PPP2R2A: variants seen among roughly 807,000 people sequenced by gnomAD.
The protein encoded by PPP2R2A is protein phosphatase 2 regulatory subunit Balpha, also known as serine/threonine-protein phosphatase 2A 55 kDa regulatory subunit B alpha isoform.
Under a neutral mutation model 53.2 loss-of-function variants are expected in PPP2R2A, and 9 were observed. The observed-to-expected ratio is 0.17, with a 90% confidence interval of 0.10 to 0.30. PPP2R2A has a LOEUF of 0.30. PPP2R2A is among the 10% of genes least tolerant of loss of function. The probability of loss-of-function intolerance (pLI) is 1.00; values close to 1 mark genes in which losing one functional copy is unlikely to be tolerated. For missense variants in PPP2R2A, 235 were observed against 534.6 expected, an observed-to-expected ratio of 0.44 and a Z score of 5.53; for synonymous variants, 169 against 174.2, an observed-to-expected ratio of 0.97 and a Z score of 0.23.
At chr8:26,346,436 C>A (rs1390437277) in intron 3 of PPP2R2A, among the ~76,000 whole-genome samples, 1 of 152,134 alleles carries the variant, frequency 6.6e-6, no homozygotes, top group Non-Finnish European at 1.5e-5. Flanking sequence ...CCACCACACC[C>A]AGCTGGTTAT....
chr8:26,302,615 C>T (rs1262572508), intron 2 of PPP2R2A, among the ~76,000 whole-genome samples: 1 of 152,226 alleles, frequency 6.6e-6, no homozygotes, highest in East Asian at 1.9e-4. Flanking sequence ...ATATCCATAA[C>T]TACCTGAAAC....
rs1358169501 is a variant in PPP2R2A, at chr8:26,321,745, C to G, written c.83-17145C>G. On this transcript the variant is annotated intron_variant, in intron 2 of 9. Transcript: ENST00000380737. This position sits in a 1 kb window ranked among gnomAD's most constrained non-coding sequence, Gnocchi z 4.1. ...GGATACCTGCAACTTTGTGAGAGAC[C>G]TTGAACGCAAGGCCCCCTGGCTAAG... Among the ~76,000 whole-genome samples, 1 of 152,192 alleles carries G rather than the reference C, an allele frequency of 6.6e-6. No homozygotes were observed. Among genetic ancestry groups the G allele is most frequent in the African/African-American group, 2.4e-5 (1 of 41,452 alleles).
At chr8:26,296,499 C>A (rs762631444) in intron 2 of PPP2R2A, among the ~76,000 whole-genome samples, 1 of 152,182 alleles carries the variant, frequency 6.6e-6, no homozygotes, top group Non-Finnish European at 1.5e-5. Flanking sequence ...TCAAGTCACG[C>A]CTTTAACCTT....
intron 2 of PPP2R2A, among the ~76,000 whole-genome samples, chr8:26,312,553 T>TTAAC (rs1802338649): frequency 2.6e-5 from 4 of 152,226 alleles, no homozygotes; most frequent in Non-Finnish European, 5.9e-5. Context: ...CTCACATCAG[T>TTAAC]TAACATTTCT....
chr8:26,370,452 G>T lies in PPP2R2A; in HGVS notation c.*39G>T. The stretch of plus-strand genomic sequence containing the variant: ...AGCAGAAGAACCCACTTCCTGCTTA[G>T]TTGAGATAGTTGAATCTAGCATTCG... On this transcript the variant is annotated 3_prime_UTR_variant, in exon 10 of 10. Coordinates refer to ENST00000380737, the MANE Select transcript of PPP2R2A (RefSeq NM_002717.4). The surrounding 1 kb of genome is among the most constrained non-coding windows in gnomAD (Gnocchi z 6.1). 1 of 1,591,936 alleles carries T rather than the reference G, an allele frequency of 6.3e-7. No individual in the cohort carries two copies. Among genetic ancestry groups the T allele is most frequent in the Non-Finnish European group, 8.6e-7 (1 of 1,163,856 alleles).
intron 3 of PPP2R2A, among the ~76,000 whole-genome samples, chr8:26,340,489 A>G (rs1803886661): frequency 6.6e-6 from 1 of 152,122 alleles, no homozygotes; most frequent in Non-Finnish European, 1.5e-5. Flanking sequence ...ATTTTAAAGA[A>G]AAGTGTTTGA....
intron 2 of PPP2R2A, among the ~76,000 whole-genome samples, chr8:26,317,484 T>C (rs1329180517): frequency 2.0e-5 from 3 of 152,228 alleles, no homozygotes; most frequent in Non-Finnish European, 4.4e-5. Context: ...CACAGGACAG[T>C]ATCTGGCATT....
At chr8:26,349,727 T>A (rs536002143) in intron 3 of PPP2R2A, among the ~76,000 whole-genome samples, 15 of 152,328 alleles carry the variant, frequency 9.8e-5, no homozygotes, top group Admixed American at 1.3e-4. Flanking sequence ...TCTTTTCCCT[T>A]CCTCTCCTTT....
In PPP2R2A at chr8:26,370,094, G is replaced by A; in HGVS notation, c.1065-40G>A. The A allele has an allele frequency of 6.4e-7, 1 of 1,574,228 alleles. No individual in the cohort carries two copies. Among genetic ancestry groups the A allele is most frequent in the Non-Finnish European group, 8.7e-7 (1 of 1,153,870 alleles). ...TCATTTTACTTGAAAACAATTTCTT[G>A]TTCTGCTTGTTTGACTGAGTGTACT... On this transcript the variant is annotated intron_variant, in intron 9 of 9. Coordinates refer to ENST00000380737, the MANE Select transcript of PPP2R2A (RefSeq NM_002717.4). This position sits in a 1 kb window ranked among gnomAD's most constrained non-coding sequence, Gnocchi z 6.1.
intron 1 of PPP2R2A, 166 bp downstream of exon 1, chr8:26,291,992 G>A (rs1316117273): frequency 1.3e-5 from 16 of 1,212,910 alleles, no homozygotes; most frequent in Non-Finnish European, 1.6e-5. Context: ...GGGCTCCCGG[G>A]AGGCAAGTGG....
rs962812215 is a variant in PPP2R2A, at chr8:26,354,873, A to C, written c.346+240A>C. Among the ~76,000 whole-genome samples, 1 of 152,210 alleles carries C rather than the reference A, an allele frequency of 6.6e-6. No individual in the cohort carries two copies. The highest frequency in any genetic ancestry group is 1.5e-5 in the Non-Finnish European group (1 of 68,040). On this transcript the variant is annotated intron_variant, in intron 4 of 9. Coordinates refer to ENST00000380737, the MANE Select transcript of PPP2R2A (RefSeq NM_002717.4). The surrounding 1 kb of genome is among the most constrained non-coding windows in gnomAD (Gnocchi z 4.6). ...TTTGTAGTGAAAAGAATGGGCTGCT[A>C]TACCATTGGATTTAGGTCAGGTAAT...
At chr8:26,347,337 G>A (rs1362677560) in intron 3 of PPP2R2A, among the ~76,000 whole-genome samples, 1 of 151,854 alleles carries the variant, frequency 6.6e-6, no homozygotes, top group Non-Finnish European at 1.5e-5. Flanking sequence ...TGATAGAACT[G>A]GGGAAGAGCG....
At chr8:26,323,986 T>C (rs1338485015) in intron 2 of PPP2R2A, among the ~76,000 whole-genome samples, 3 of 152,256 alleles carry the variant, frequency 2.0e-5, no homozygotes, top group East Asian at 1.9e-4. Flanking sequence ...CAGTGTCTTA[T>C]CACATGTTAG....
chr8:26,319,500 T>C (rs1382982267), intron 2 of PPP2R2A, among the ~76,000 whole-genome samples: 1 of 152,232 alleles, frequency 6.6e-6, no homozygotes, highest in African/African-American at 2.4e-5. Flanking sequence ...TCTAGGTCTT[T>C]AGCCCTTTGA....
At chr8:26,341,750 G>C (rs967174930) in intron 3 of PPP2R2A, among the ~76,000 whole-genome samples, 1 of 152,108 alleles carries the variant, frequency 6.6e-6, no homozygotes, top group Non-Finnish European at 1.5e-5. Flanking sequence ...TAGTGGCAGG[G>C]TTCCTTCTTA....
rs771263494 is a variant in PPP2R2A at position 26,291,800 on chromosome 8, G to A, written c.-20G>A. On this transcript the variant is annotated 5_prime_UTR_variant, in exon 1 of 10. Transcript: ENST00000380737. ...CGGAGACCCCGAGGAACCCAGCAGG[G>A]TCACCATTTGCAGCGCAACATGGCA... The A allele has an allele frequency of 5.6e-6, 9 of 1,603,390 alleles. No individual in the cohort carries two copies. The African/African-American group carries it at 1.1e-4, about 19-fold the overall frequency.
At chr8:26,322,171 CAG>C (rs765362654) in intron 2 of PPP2R2A, among the ~76,000 whole-genome samples, 25 of 152,176 alleles carry the variant, frequency 1.6e-4, no homozygotes, top group Non-Finnish European at 2.9e-4. Context: ...TTGAAAGAAT[CAG>C]AGAGCAGGAA....
chr8:26,358,297 G>T (rs1220903808), intron 4 of PPP2R2A, among the ~76,000 whole-genome samples: 1 of 152,056 alleles, frequency 6.6e-6, no homozygotes, highest in Non-Finnish European at 1.5e-5. Flanking sequence ...GGACCAGGGG[G>T]CGGGGGTGTT....
intron 2 of PPP2R2A, among the ~76,000 whole-genome samples, chr8:26,309,898 A>G (rs1405091603): frequency 6.6e-6 from 1 of 152,116 alleles, no homozygotes; most frequent in Non-Finnish European, 1.5e-5. Flanking sequence ...GTCACAGATG[A>G]CCATAACAGG....
Sources: gnomAD v4.1 joint callset for allele counts (sites outside exome capture counted in the v4.1 genomes callset) on GRCh38, gnomAD v4.1.1 for gene constraint, Gnocchi (gnomAD v3.1) non-coding constraint, MANE v1.5 for transcripts, NCBI Gene and HGNC (gene_info 2026-07-23, HGNC 2026-07-21) for gene names.